TBX1: variants seen among roughly 807,000 people sequenced by gnomAD.
TBX1 encodes T-box transcription factor 1.
In TBX1, 16 loss-of-function variants were observed where a neutral mutation model predicts 40.8. The observed-to-expected ratio is 0.39, with a 90% CI of 0.27 to 0.60. The LOEUF is 0.60. TBX1 is among the 20% of genes least tolerant of loss of function. The probability of loss-of-function intolerance (pLI) is 0.51; values close to 1 mark genes in which losing one functional copy is unlikely to be tolerated. For missense variants in TBX1, 755 were observed against 728.5 expected, an observed-to-expected ratio of 1.04 and a Z score of -0.42; for synonymous variants, 403 against 336.8, an observed-to-expected ratio of 1.20 and a Z score of -2.15.
Position 19,766,450 on chromosome 22 carries a change from C to A in TBX1, c.1098C>A (p.Asp366Glu). Residue 366 changes from aspartate to glutamate, a missense_variant, in exon 7 of 7, where the codon GAC becomes GAA. Asp to Glu is a conservative substitution (Grantham distance 45). Around this residue, in one of 3 missense-constraint regions of TBX1, gnomAD observed 412 missense variants for 317.6 expected, o/e 1.30. Transcript: ENST00000649276. ...CGGGCGGGCCAGCAGTGCTCGGGGACCCGGCGCATCCTCCGCAGCTGCTGG... is the reference window on the plus strand; with the variant it reads ...CGGGCGGGCCAGCAGTGCTCGGGGAACCGGCGCATCCTCCGCAGCTGCTGG... ...RDAGGPAVLG[D>E]PAHPPQLLAR... 1 of 1,329,878 alleles carries A rather than the reference C, an allele frequency of 7.5e-7. No individual in the cohort carries two copies. The highest frequency in any genetic ancestry group is 9.7e-7 in the Non-Finnish European group (1 of 1,033,540). 82.4% of individuals were successfully genotyped at this position (1,329,878 alleles called of 1,614,324 possible).
chr22:19,780,776 G>GTTTTTTTTT (rs564336679), downstream of TBX1, among the ~76,000 whole-genome samples: 231 of 119,062 alleles, frequency 1.9e-3, 16 homozygotes, highest in Non-Finnish European at 2.4e-3. Flanking sequence ...CTTGTTTTCT[G>GTTTTTTTTT]TTTTTTTTTT....
chr22:19,776,221 G>A (rs148951819), intron 8 of TBX1, among the ~76,000 whole-genome samples: 45 of 152,182 alleles, frequency 3.0e-4, no homozygotes, highest in Middle Eastern at 3.4e-3. Context: ...TCTGCCCGTG[G>A]TCTCCCTCTC....
intron 8 of TBX1, among the ~76,000 whole-genome samples, chr22:19,775,594 G>C (rs1937052393): frequency 6.6e-6 from 1 of 152,174 alleles, no homozygotes; most frequent in Admixed American, 6.5e-5. Context: ...TCTGGCATCT[G>C]GTGGGTGGAG....
chr22:19,763,803 G>A (rs866842353), intron 2 of TBX1: 19 of 464,044 alleles, frequency 4.1e-5, no homozygotes, highest in Middle Eastern at 5.9e-4. Flanking sequence ...AAGAGAACGC[G>A]CACTGCCCTG....
upstream of TBX1, among the ~76,000 whole-genome samples, chr22:19,760,720 G>A (rs867252428): frequency 1.2e-3 from 168 of 139,538 alleles, no homozygotes; most frequent in Admixed American, 3.9e-3. Flanking sequence ...CGCCTCCTCG[G>A]GGCCGGCCTG....
Position 19,767,179 on chromosome 22 carries a change from C to T in TBX1, c.*312C>T. On this transcript the variant is annotated 3_prime_UTR_variant, in exon 7 of 7. Transcript: ENST00000649276. Reference sequence around the variant, plus strand: ...GCGGAAGGAAGTGATATTTATTGTTCTCCCCGAGACCGCGTCGCCCGCGGC... The same window carrying T: ...GCGGAAGGAAGTGATATTTATTGTTTTCCCCGAGACCGCGTCGCCCGCGGC... The T allele has an allele frequency of 4.4e-6, 5 of 1,136,614 alleles. No individual in the cohort carries two copies. The South Asian group carries it at 1.6e-4, about 36-fold the overall frequency. The allele number at this position is 1,136,614 out of a possible 1,614,324, so 70.4% of individuals were successfully genotyped here. A position where few individuals can be genotyped will look rare whatever the true frequency, so the allele number is the denominator to read the frequency against.
At position 19,765,644 on chromosome 22, in the gene TBX1, G is replaced by A. The variant is rs564116728; in HGVS notation, c.868-114G>A. On this transcript the variant is annotated intron_variant, in intron 4 of 6. Transcript: ENST00000649276. ...GGCAGACGTGGACTGGTTCTTGTCA[G>A]GGCAGCAGAAAGGCCCTTGGTGCGC... 61 of 1,174,606 alleles carry A rather than the reference G, an allele frequency of 5.2e-5. No homozygotes were observed. In the East Asian group the frequency reaches 1.4e-3, roughly 27 times the overall value. The allele number at this position is 1,174,606 out of a possible 1,614,324, so 72.8% of individuals were successfully genotyped here.
chr22:19,782,340 T>C (rs1169673455), downstream of TBX1, among the ~76,000 whole-genome samples: 6 of 152,248 alleles, frequency 3.9e-5, no homozygotes, highest in Admixed American at 3.9e-4. Context: ...CAGTGTTTTA[T>C]AGATTTCAGT....
chr22:19,773,455 C>A (rs1937020295), intron 8 of TBX1, among the ~76,000 whole-genome samples: 1 of 152,286 alleles, frequency 6.6e-6, no homozygotes, highest in East Asian at 1.9e-4. Context: ...TGGGGGCACC[C>A]TAGCACCCCA....
intron 8 of TBX1, among the ~76,000 whole-genome samples, chr22:19,775,609 G>A (rs1415556370): frequency 6.6e-6 from 1 of 152,086 alleles, no homozygotes; most frequent in Non-Finnish European, 1.5e-5. Flanking sequence ...GTGGAGGTGG[G>A]GTATGCTTTT....
At position 19,764,254 on chromosome 22, in the gene TBX1, G is replaced by C. The variant is rs778071107; in HGVS notation, c.639G>C (p.Ala213=). 2 of 1,613,406 alleles carry C rather than the reference G, an allele frequency of 1.2e-6. No individual in the cohort carries two copies. The highest frequency in any genetic ancestry group is 1.7e-6 in the Non-Finnish European group (2 of 1,179,954). ...ACCCGGACTCGCCTGCCAAGGGCGC[G>C]CAGTGGATGAAGCAAATCGTGTCCT... ...HYHPDSPAKG[A]QWMKQIVSFD... is the part of the protein sequence containing the mutation. Residue 213 remains alanine (A), a synonymous_variant, in exon 3 of 7, where the codon GCG becomes GCC. Transcript: ENST00000649276.
At chr22:19,775,636 C>T (rs752274682) in intron 8 of TBX1, among the ~76,000 whole-genome samples, 5 of 152,160 alleles carry the variant, frequency 3.3e-5, no homozygotes, top group Non-Finnish European at 5.9e-5. Flanking sequence ...CTGCAATGCA[C>T]GCTCGGAACC....
At chr22:19,763,189 A>AG (rs1936722717) in intron 1 of TBX1, 52 bp from the exon 2 acceptor site, 3 of 1,512,978 alleles carry the variant, frequency 2.0e-6, no homozygotes, top group South Asian at 2.3e-5. Context: ...AGGCAGGTCA[A>AG]GGGGGGCTGC....
rs1398031445 is a variant in TBX1, at chr22:19,761,041, C to T, written c.198C>T (p.Ala66=). Residue 66 remains alanine, a synonymous_variant, in exon 1 of 7, where the codon GCC becomes GCT. Transcript: ENST00000649276. The stretch of plus-strand genomic sequence containing the variant: ...GCTACGACCCGTGCGCCGCCGCCGC[C>T]CCCGGCGCCCCGGGCCCGCCGCCGC... ...PPRYDPCAAA[A]PGAPGPPPPP... is the part of the protein sequence containing the mutation. The T allele has an allele frequency of 1.1e-4, 94 of 888,076 alleles. No individual in the cohort carries two copies. Among genetic ancestry groups the T allele is most frequent in the Non-Finnish European group, 1.2e-4 (93 of 744,724 alleles). The allele number at this position is 888,076 out of a possible 1,614,324, so 55.0% of individuals were successfully genotyped here. A position where few individuals can be genotyped will look rare whatever the true frequency, so the allele number is the denominator to read the frequency against.
intron 8 of TBX1, among the ~76,000 whole-genome samples, chr22:19,774,045 A>G (rs1297234186): frequency 6.6e-6 from 1 of 152,246 alleles, no homozygotes; most frequent in Non-Finnish European, 1.5e-5. Flanking sequence ...TGAATATTAA[A>G]GACTTGGATA....
chr22:19,768,991 C>T (rs1459581866), downstream of TBX1, among the ~76,000 whole-genome samples: 4 of 74,840 alleles, frequency 5.3e-5, no homozygotes, highest in African/African-American at 1.3e-4. Flanking sequence ...GACTGAGTCG[C>T]GCTCTGTCGC....
chr22:19,783,177 T>C, downstream of TBX1: 1 of 669,742 alleles, frequency 1.5e-6, no homozygotes, highest in South Asian at 1.6e-5. Flanking sequence ...CTCTCCTAAA[T>C]TCCCGACCCA....
chr22:19,759,371 G>C (rs1936564033), upstream of TBX1: 1 of 545,604 alleles, frequency 1.8e-6, no homozygotes, highest in Non-Finnish European at 2.3e-6. Context: ...TGGGCCAGGG[G>C]CCCCTGGCAG....
upstream of TBX1, chr22:19,759,641 G>A (rs41298786): frequency 1.9e-4 from 307 of 1,612,414 alleles, no homozygotes; most frequent in African/African-American, 3.7e-3. Flanking sequence ...ATCCCCGGCA[G>A]GGATGCACTT....
Sources: gnomAD v4.1 joint callset for allele counts (sites outside exome capture counted in the v4.1 genomes callset) on GRCh38, gnomAD v4.1.1 for gene constraint, gnomAD v4.1.1 regional missense constraint, MANE v1.5 for transcripts, NCBI Gene and HGNC (gene_info 2026-07-23, HGNC 2026-07-21) for gene names.